Variants in C9orf85 observed in about 807,000 individuals in gnomAD.
C9orf85 encodes the protein chromosome 9 open reading frame 85.
Under a neutral mutation model 14.9 loss-of-function variants are expected in C9orf85, and 16 were observed. That is an observed-to-expected ratio of 1.08 (90% CI 0.73 to 1.63). The LOEUF (loss-of-function observed/expected upper bound fraction) is 1.63. C9orf85 is among the 40% of genes most tolerant of loss of function. The pLI is 0.00. For missense variants in C9orf85, 172 were observed against 186.1 expected, an observed-to-expected ratio of 0.92 and a Z score of 0.44; for synonymous variants, 45 against 56.8, an observed-to-expected ratio of 0.79 and a Z score of 0.93.
chr9:71,963,111 C>T (rs768221807), intron 2 of C9orf85, among the ~76,000 whole-genome samples: 1 of 152,018 alleles, frequency 6.6e-6, no homozygotes, highest in African/African-American at 2.4e-5. Flanking sequence ...AAATCTTAAG[C>T]GTTTTTTGTT....
intron 2 of C9orf85, among the ~76,000 whole-genome samples, chr9:71,963,143 G>C (rs913832081): frequency 5.9e-5 from 9 of 152,126 alleles, no homozygotes; most frequent in African/African-American, 1.9e-4. Context: ...GTTGTGGAAG[G>C]GATGATACAG....
At chr9:71,948,819 C>G (rs868580689) in intron 2 of C9orf85, among the ~76,000 whole-genome samples, 16 of 148,404 alleles carry the variant, frequency 1.1e-4, no homozygotes, top group South Asian at 4.5e-4. Context: ...CCACGCCCCC[C>G]CCCCCCCCTT....
chr9:71,978,387 G>C (rs1289079319), downstream of C9orf85, among the ~76,000 whole-genome samples: 1 of 152,180 alleles, frequency 6.6e-6, no homozygotes, highest in East Asian at 1.9e-4. Context: ...TGAGATTACA[G>C]GCATGAGCCA....
At chr9:71,923,743 G>T (rs1343700692) in intron 1 of C9orf85, among the ~76,000 whole-genome samples, 2 of 152,072 alleles carry the variant, frequency 1.3e-5, no homozygotes, top group South Asian at 2.1e-4. Context: ...ACCAATGTCT[G>T]TACCCATATA....
At chr9:71,957,528 T>G (rs576965076) in intron 2 of C9orf85, among the ~76,000 whole-genome samples, 8 of 152,296 alleles carry the variant, frequency 5.3e-5, no homozygotes, top group African/African-American at 1.7e-4. Context: ...ATTAAATGAT[T>G]AAAACTTCAT....
intron 1 of C9orf85, among the ~76,000 whole-genome samples, chr9:71,928,476 A>T (rs1309019602): frequency 6.6e-6 from 1 of 152,078 alleles, no homozygotes; most frequent in East Asian, 1.9e-4. Flanking sequence ...ACTAGCTCAT[A>T]TTTTTTTGGA....
chr9:71,968,087 C>CAT (rs764580008), intron 2 of C9orf85, among the ~76,000 whole-genome samples: 36 of 142,348 alleles, frequency 2.5e-4, no homozygotes, highest in African/African-American at 9.0e-4. Context: ...TCCATTGCTG[C>CAT]ATATATATAT....
chr9:71,976,253 C>T (rs1412659755), downstream of C9orf85, among the ~76,000 whole-genome samples: 2 of 152,282 alleles, frequency 1.3e-5, no homozygotes, highest in East Asian at 3.9e-4. Flanking sequence ...TAATTTGTTG[C>T]ACCTTGATAT....
At chr9:71,936,762 T>A (rs572923983) in intron 1 of C9orf85, among the ~76,000 whole-genome samples, 1 of 140,408 alleles carries the variant, frequency 7.1e-6, no homozygotes, top group Admixed American at 8.4e-5. Context: ...TAGAGTTCTT[T>A]GTTCAAGCTT....
At chr9:71,913,765 A>ACTTGTACTTTTCATTGTGTATTT (rs1827577073) in intron 1 of C9orf85, among the ~76,000 whole-genome samples, 1 of 152,030 alleles carries the variant, frequency 6.6e-6, no homozygotes, top group Non-Finnish European at 1.5e-5. Context: ...AGCTTCTCCT[A>ACTTGTACTTTTCATTGTGTATTT]CTTGTACTTT....
intron 1 of C9orf85, among the ~76,000 whole-genome samples, chr9:71,912,213 G>A (rs1246555364): frequency 6.6e-6 from 1 of 152,046 alleles, no homozygotes; most frequent in Non-Finnish European, 1.5e-5. Context: ...ATGCAGCTAC[G>A]ATTTTTTTTT....
intron 1 of C9orf85, among the ~76,000 whole-genome samples, chr9:71,938,038 G>T (rs114570488): frequency 6.6e-6 from 1 of 152,012 alleles, no homozygotes; most frequent in Non-Finnish European, 1.5e-5. Context: ...TGGGCTATTT[G>T]TATGACTAGC....
At chr9:71,979,208 A>G (rs1304334836) in intron 3 of C9orf85, among the ~76,000 whole-genome samples, 2 of 152,210 alleles carry the variant, frequency 1.3e-5, no homozygotes, top group African/African-American at 4.8e-5. Flanking sequence ...AACCACTCTG[A>G]GGCAGAATGA....
At chr9:71,952,428 G>C (rs1194678929) in intron 2 of C9orf85, among the ~76,000 whole-genome samples, 1 of 152,102 alleles carries the variant, frequency 6.6e-6, no homozygotes, top group Admixed American at 6.6e-5. Flanking sequence ...GCAGTGGCAC[G>C]ATGTCAGCTC....
intron 3 of C9orf85, 34 bp from the exon 4 acceptor site, chr9:71,972,658 G>T: frequency 6.8e-7 from 1 of 1,472,200 alleles, no homozygotes; most frequent in Non-Finnish European, 9.3e-7. Context: ...TGATAGCCTG[G>T]GAAATAAATA....
intron 2 of C9orf85, among the ~76,000 whole-genome samples, chr9:71,951,853 T>G (rs1205114941): frequency 1.3e-5 from 2 of 151,980 alleles, no homozygotes; most frequent in Non-Finnish European, 2.9e-5. Context: ...AGAGATCTTA[T>G]AAATATAAAA....
At chr9:71,979,361 C>T (rs780750703) in intron 3 of C9orf85, among the ~76,000 whole-genome samples, 3 of 152,156 alleles carry the variant, frequency 2.0e-5, no homozygotes, top group Non-Finnish European at 2.9e-5. Flanking sequence ...AAACACTTAT[C>T]ATAGTAGGGA....
Position 71,943,533 on chromosome 9 carries a change from C to CT in C9orf85, c.103-3465dup, listed in dbSNP as rs568631055. On this transcript the variant is annotated intron_variant, in intron 1 of 3. Transcript: ENST00000334731. ...GTTGAAGTCCTTTCTCGCCCAGCTT[C>CT]TTTTTTTTGTTTTTTGTTTTTTTTT... is the stretch of plus-strand genomic sequence containing the variant. Among the ~76,000 whole-genome samples the CT allele has an allele frequency of 1.5e-4, 23 of 151,324 alleles. No individual in the cohort carries two copies. In the East Asian group the frequency reaches 2.5e-3, roughly 17 times the overall value.
At chr9:71,936,267 A>G (rs932964078) in intron 1 of C9orf85, among the ~76,000 whole-genome samples, 1 of 152,058 alleles carries the variant, frequency 6.6e-6, no homozygotes, top group African/African-American at 2.4e-5. Flanking sequence ...ATAGTTTTGG[A>G]TGTAATCTTC....
Sources: gnomAD v4.1 joint callset for allele counts (sites outside exome capture counted in the v4.1 genomes callset) on GRCh38, gnomAD v4.1.1 for gene constraint, MANE v1.5 for transcripts, NCBI Gene and HGNC (gene_info 2026-07-23, HGNC 2026-07-21) for gene names.